Variants in MRPL22 observed in about 807,000 individuals in gnomAD.
The protein encoded by MRPL22 is large ribosomal subunit protein uL22m.
A neutral mutation model predicts 32.4 loss-of-function variants in MRPL22; 27 were observed. The ratio of observed to expected loss-of-function variants is 0.83; its 90% CI spans 0.61 to 1.15. MRPL22 has a LOEUF of 1.15. Among genes scored for constraint, MRPL22 ranks in the 50% most tolerant of loss-of-function variants. The pLI, the probability that MRPL22 is intolerant of heterozygous loss-of-function variation, is 0.00. For synonymous variants in MRPL22, 86 were observed against 87.3 expected (o/e 0.99, Z 0.08); for missense variants, 239 against 260.2 (o/e 0.92, Z 0.56).
At chr5:154,943,015 T>C (rs1478270853) in intron 2 of MRPL22, among the ~76,000 whole-genome samples, 1 of 152,242 alleles carries the variant, frequency 6.6e-6, no homozygotes, top group Admixed American at 6.5e-5. Flanking sequence ...ATTTTGTGAA[T>C]CCTTATTTTG....
intron 5 of MRPL22, among the ~76,000 whole-genome samples, chr5:154,958,321 C>T (rs1222401451): frequency 6.6e-6 from 1 of 152,000 alleles, no homozygotes; most frequent in Non-Finnish European, 1.5e-5. Context: ...AGTTAATTCT[C>T]ACCAAAAGTC....
intron 2 of MRPL22, among the ~76,000 whole-genome samples, chr5:154,946,697 T>A (rs1764496354): frequency 6.6e-6 from 1 of 152,142 alleles, no homozygotes; most frequent in South Asian, 2.1e-4. Flanking sequence ...GGTGCGTCCC[T>A]GTAATCCCAG....
intron 3 of MRPL22, among the ~76,000 whole-genome samples, chr5:154,954,786 CTTCTT>C (rs1764609897): frequency 6.6e-6 from 1 of 152,068 alleles, no homozygotes; most frequent in Non-Finnish European, 1.5e-5. Context: ...TAAAGGGTCT[CTTCTT>C]TTTTATTTTT....
At chr5:154,950,642 ACTGT>A (rs1764546898) in intron 2 of MRPL22, among the ~76,000 whole-genome samples, 175 bp from the exon 3 acceptor site, 1 of 152,154 alleles carries the variant, frequency 6.6e-6, no homozygotes, top group Admixed American at 6.5e-5. Flanking sequence ...CCTCTAATAA[ACTGT>A]CTCTTTGTTG....
chr5:154,953,543 A>G (rs1016159826), intron 3 of MRPL22, among the ~76,000 whole-genome samples: 3 of 151,646 alleles, frequency 2.0e-5, no homozygotes, highest in Admixed American at 2.0e-4. Flanking sequence ...TTGAGCTACC[A>G]TTTCTTATTT....
chr5:154,961,580 A>G (rs954735091), intron 6 of MRPL22, among the ~76,000 whole-genome samples: 1 of 152,252 alleles, frequency 6.6e-6, no homozygotes, highest in Non-Finnish European at 1.5e-5. Flanking sequence ...GTAAAGAGAG[A>G]TAGGATAAAG....
Position 154,953,362 on chromosome 5 carries a change from GAAAAAAAAA to G in MRPL22, c.195+2442_195+2450del, listed in dbSNP as rs573134537. ...GACAGAGCGAGACTCCGTCTCAGGA[GAAAAAAAAA>G]AAAAAAAAAAAAAAAAAGAAAATGA... On this transcript the variant is annotated intron_variant, in intron 3 of 6. Transcript: ENST00000523037. Among the ~76,000 whole-genome samples, 49 of 69,258 alleles carry G rather than the reference GAAAAAAAAA, an allele frequency of 7.1e-4. No individual in the cohort carries two copies. The Admixed American group carries it at 7.5e-3, about 11-fold the overall frequency. The allele number at this position is 69,258 out of a possible 152,430, so 45.4% of individuals were successfully genotyped here.
intron 6 of MRPL22, among the ~76,000 whole-genome samples, chr5:154,966,187 A>G (rs1015350580): frequency 1.8e-4 from 27 of 152,236 alleles, no homozygotes; most frequent in African/African-American, 6.0e-4. Flanking sequence ...CTTTTCCTAA[A>G]ACAAGCCGAG....
intron 2 of MRPL22, among the ~76,000 whole-genome samples, chr5:154,947,309 C>A (rs1188347059): frequency 6.6e-6 from 1 of 152,150 alleles, no homozygotes; most frequent in Admixed American, 6.6e-5. Flanking sequence ...TGTCACCACT[C>A]GGCTTATTTT....
At chr5:154,953,995 T>C (rs1311725672) in intron 3 of MRPL22, among the ~76,000 whole-genome samples, 1 of 150,398 alleles carries the variant, frequency 6.6e-6, no homozygotes, top group African/African-American at 2.5e-5. Context: ...CTAAAACTTT[T>C]TTTTTTTTTT....
chr5:154,964,088 A>G lies in MRPL22; in HGVS notation c.410-2598A>G, dbSNP rs556873603. ...ATGGCAGGCTGTGTATTTGGTTCAA[A>G]CTATATCAAAGAGGTTTGGGTAAGA... On this transcript the variant is annotated intron_variant, in intron 6 of 6. Transcript: ENST00000523037. Among the ~76,000 whole-genome samples, 6 of 152,336 alleles carry G rather than the reference A, an allele frequency of 3.9e-5. No homozygotes were observed. In the South Asian group the frequency reaches 1.2e-3, roughly 32 times the overall value.
intron 2 of MRPL22, among the ~76,000 whole-genome samples, chr5:154,948,103 G>T (rs1561738486): frequency 6.6e-6 from 1 of 152,042 alleles, no homozygotes; most frequent in Non-Finnish European, 1.5e-5. Flanking sequence ...TTTTTATTTG[G>T]ATATGCCCAG....
Position 154,948,984 on chromosome 5 carries a change from A to G in MRPL22, c.78-1837A>G, listed in dbSNP as rs1451342738. Reference sequence around the variant, plus strand: ...TCCTGATTAATGCTTGGCTTGTCCCATCTTTGGCTTGTTGGGCATCCACAA... The same window carrying G: ...TCCTGATTAATGCTTGGCTTGTCCCGTCTTTGGCTTGTTGGGCATCCACAA... On this transcript the variant is annotated intron_variant, in intron 2 of 6. Coordinates refer to ENST00000523037, the MANE Select transcript of MRPL22 (RefSeq NM_014180.4). 3.9e-5 allele frequency among the ~76,000 whole-genome samples: 6 copies of G among 152,306 alleles called. No homozygotes were observed. In the East Asian group the frequency reaches 9.6e-4, roughly 24 times the overall value.
chr5:154,967,199 T>G lies in MRPL22; in HGVS notation c.*302T>G. 3.0e-6 allele frequency: 1 copy of G among 337,758 alleles called. No individual in the cohort carries two copies. The highest frequency in any genetic ancestry group is 5.5e-6 in the Non-Finnish European group (1 of 181,228). 20.9% of individuals were successfully genotyped at this position (337,758 alleles called of 1,614,324 possible). ...AACTTTCCAACTAGTGTCCTGCAGG[T>G]GGCTGTTTTGATACTGGACTTGAAT... On this transcript the variant is annotated 3_prime_UTR_variant, in exon 7 of 7. Transcript: ENST00000523037. This position sits in a 1 kb window ranked among gnomAD's most constrained non-coding sequence, Gnocchi z 4.7.
At position 154,950,848 on chromosome 5, in the gene MRPL22, A is replaced by T. The variant is rs1764551045; in HGVS notation, c.105A>T (p.Thr35=). 6.2e-7 allele frequency: 1 copy of T among 1,612,492 alleles called. No individual in the cohort carries two copies. Among genetic ancestry groups the T allele is most frequent in the African/African-American group, 1.3e-5 (1 of 74,892 alleles). The part of the protein sequence containing the change: ...LGVLPQSYIH[T]SASLDISRKW... The stretch of plus-strand genomic sequence containing the variant: ...TTTTACCTCAATCATATATCCACAC[A>T]AGTGCTTCTCTTGACATTTCTCGAA... The change falls in exon 3 of 7, where the codon ACA becomes ACT. Residue 35 remains threonine, a synonymous_variant. Coordinates refer to ENST00000523037, the MANE Select transcript of MRPL22 (RefSeq NM_014180.4).
In MRPL22 at chr5:154,941,122, A is replaced by C. The variant is rs373399556; in HGVS notation, c.12A>C (p.Ala4=). ...CGGGAGGGCGAAAGATGGCGGCGGCAGTACTGGGACAGTTGGGTAAGGATT... is the reference window on the plus strand; with the variant it reads ...CGGGAGGGCGAAAGATGGCGGCGGCCGTACTGGGACAGTTGGGTAAGGATT... MAA[A]VLGQLGALWI... is the part of the protein sequence containing the mutation. Residue 4 remains alanine (A), a synonymous_variant, in exon 1 of 7, where the codon GCA becomes GCC. Transcript: ENST00000523037. The C allele has an allele frequency of 2.5e-6, 4 of 1,614,034 alleles. No homozygotes were observed. The highest frequency in any genetic ancestry group is 3.4e-6 in the Non-Finnish European group (4 of 1,180,030).
chr5:154,961,537 A>G (rs558606308), intron 6 of MRPL22, among the ~76,000 whole-genome samples: 3 of 152,340 alleles, frequency 2.0e-5, no homozygotes, highest in African/African-American at 7.2e-5. Context: ...GCCTTTTTCA[A>G]TAACTGTCTT....
chr5:154,942,953 G>C (rs1300161712), intron 2 of MRPL22, among the ~76,000 whole-genome samples: 1 of 152,128 alleles, frequency 6.6e-6, no homozygotes, highest in Admixed American at 6.5e-5. Context: ...AAGAGTGTTT[G>C]ATTTTGCTAG....
Position 154,966,971 on chromosome 5 carries a change from A to T in MRPL22, c.*74A>T. On this transcript the variant is annotated 3_prime_UTR_variant, in exon 7 of 7. Coordinates refer to ENST00000523037, the MANE Select transcript of MRPL22 (RefSeq NM_014180.4). ...AAAAATAAACAAAAATTGAAGGCAA[A>T]TGCTTTTTATGATTTCTCATTGAAT... 1 of 1,378,020 alleles carries T rather than the reference A, an allele frequency of 7.3e-7. No homozygotes were observed. The highest frequency in any genetic ancestry group is 9.8e-7 in the Non-Finnish European group (1 of 1,016,112). The allele number at this position is 1,378,020 out of a possible 1,614,324, so 85.4% of individuals were successfully genotyped here.
Sources: gnomAD v4.1 joint callset for allele counts (sites outside exome capture counted in the v4.1 genomes callset) on GRCh38, gnomAD v4.1.1 for gene constraint, Gnocchi (gnomAD v3.1) non-coding constraint, MANE v1.5 for transcripts, NCBI Gene and HGNC (gene_info 2026-07-23, HGNC 2026-07-21) for gene names.